Variants in USP3 observed in about 807,000 individuals in gnomAD.
USP3 encodes the protein ubiquitin specific peptidase 3.
USP3 carries 20 observed loss-of-function variants against 72.3 expected under a neutral mutation model. That is an observed-to-expected ratio of 0.28 (90% CI 0.19 to 0.40). The LOEUF is 0.40. Among genes scored for constraint, USP3 ranks in the 10% least tolerant of loss-of-function variants. The pLI is 1.00. For synonymous variants in USP3, 222 were observed against 225.3 expected (o/e 0.99, Z 0.13); for missense variants, 479 against 633.9 (o/e 0.76, Z 2.62).
In USP3 at chr15:63,528,001, C is replaced by T. The variant is rs1485103084; in HGVS notation, c.92-4646C>T. 1 of 152,226 alleles carries T rather than the reference C, an allele frequency of 6.6e-6. No individual in the cohort carries two copies. Among genetic ancestry groups the T allele is most frequent in the Non-Finnish European group, 1.5e-5 (1 of 68,084 alleles). The allele number at this position is 152,226 out of a possible 1,614,324, so 9.4% of individuals were successfully genotyped here. A position where few individuals can be genotyped will look rare whatever the true frequency, so the allele number is the denominator to read the frequency against. On this transcript the variant is annotated intron_variant, in intron 1 of 14. Transcript: ENST00000380324. The surrounding 1 kb of genome is among the most constrained non-coding windows in gnomAD (Gnocchi z 4.3). ...TACCTTCTGGAGAATGGCTCTAGCT[C>T]AGGAGAGGATAGAGCTTCTTCATCT...
In USP3 at chr15:63,529,178, G is replaced by T. The variant is rs538039208; in HGVS notation, c.92-3469G>T. ...ACCACACTTGGCAGGTAGTAAAGTG[G>T]TTTTTTTTTTTTTCTTTTTTTTGAG... On this transcript the variant is annotated intron_variant, in intron 1 of 14. Transcript: ENST00000380324. This position sits in a 1 kb window ranked among gnomAD's most constrained non-coding sequence, Gnocchi z 4.2. The T allele has an allele frequency of 1.7e-4, 83 of 492,972 alleles. 1 individual carries two copies. The East Asian group carries it at 3.0e-3, about 18-fold the overall frequency. 30.5% of individuals were successfully genotyped at this position (492,972 alleles called of 1,614,324 possible).
chr15:63,549,566 C>G (rs1334581797), intron 3 of USP3, among the ~76,000 whole-genome samples: 5 of 152,126 alleles, frequency 3.3e-5, no homozygotes, highest in Admixed American at 1.3e-4. Flanking sequence ...TTTGCAGCCA[C>G]TTTACACAGT....
intron 5 of USP3, among the ~76,000 whole-genome samples, chr15:63,557,463 G>A (rs143467919): frequency 0.017 from 2,512 of 152,154 alleles, 37 homozygotes; most frequent in South Asian, 0.036. Context: ...GAGTTTCACC[G>A]TGTTGCTCAG....
chr15:63,564,717 G>A (rs1194660505), intron 8 of USP3, among the ~76,000 whole-genome samples: 1 of 152,222 alleles, frequency 6.6e-6, no homozygotes, highest in Non-Finnish European at 1.5e-5. Flanking sequence ...GAAGATTTCA[G>A]ATCATACATG....
At position 63,528,901 on chromosome 15, in the gene USP3, A is replaced by C. The variant is rs2066024508; in HGVS notation, c.92-3746A>C. Reference sequence around the variant, plus strand: ...ATTTTATATTTGTCCTGGGTACATTAAAGGTTCTTAATTTGGATGAAGCAT... The same window carrying C: ...ATTTTATATTTGTCCTGGGTACATTCAAGGTTCTTAATTTGGATGAAGCAT... On this transcript the variant is annotated intron_variant, in intron 1 of 14. Transcript: ENST00000380324. This position sits in a 1 kb window ranked among gnomAD's most constrained non-coding sequence, Gnocchi z 4.3. 1.4e-6 allele frequency: 1 copy of C among 738,522 alleles called. No homozygotes were observed. The highest frequency in any genetic ancestry group is 1.9e-6 in the Non-Finnish European group (1 of 526,776). 45.7% of individuals were successfully genotyped at this position (738,522 alleles called of 1,614,324 possible). A position where few individuals can be genotyped will look rare whatever the true frequency, so the allele number is the denominator to read the frequency against.
Position 63,553,589 on chromosome 15 carries a change from T to A in USP3, c.285-126T>A. On this transcript the variant is annotated intron_variant, in intron 3 of 14. Transcript: ENST00000380324. This position sits in a 1 kb window ranked among gnomAD's most constrained non-coding sequence, Gnocchi z 4.2. ...TGTGAATTCCAGGTCCTCTTTAAAC[T>A]TACCACCAGCAGTAACTGCCTGCAG... 1 of 729,096 alleles carries A rather than the reference T, an allele frequency of 1.4e-6. No individual in the cohort carries two copies. The highest frequency in any genetic ancestry group is 2.0e-6 in the Non-Finnish European group (1 of 493,484). The allele number at this position is 729,096 out of a possible 1,614,324, so 45.2% of individuals were successfully genotyped here.
chr15:63,578,448 C>CA (rs760254496), intron 11 of USP3, among the ~76,000 whole-genome samples: 1,477 of 131,590 alleles, frequency 0.011, 14 homozygotes, highest in African/African-American at 0.033. Flanking sequence ...ACTAAAAATA[C>CA]AAAAAAAAAA....
rs138812943 is a variant in USP3 at position 63,540,836 on chromosome 15, C to T, written c.284+3680C>T. ...GAAAATGAAAGGTAAATTAAGATTT[C>T]GATGAAAATAAAAATCTTCCCAAGA... On this transcript the variant is annotated intron_variant, in intron 3 of 14. Coordinates refer to ENST00000380324, the MANE Select transcript of USP3 (RefSeq NM_006537.4). 2.4e-3 allele frequency among the ~76,000 whole-genome samples: 368 copies of T among 152,236 alleles called. 4 individuals are homozygous for T. Among genetic ancestry groups the T allele is most frequent in the East Asian group, 0.022 (116 of 5,184 alleles).
chr15:63,560,575 C>T (rs1424256471), intron 7 of USP3, among the ~76,000 whole-genome samples: 2 of 150,376 alleles, frequency 1.3e-5, no homozygotes, highest in African/African-American at 4.9e-5. Context: ...TCTCATTAGT[C>T]CATGTGAGTT....
chr15:63,509,685 T>C (rs146134356), intron 1 of USP3, among the ~76,000 whole-genome samples: 1 of 152,338 alleles, frequency 6.6e-6, no homozygotes, highest in Admixed American at 6.5e-5. Context: ...CAAATGTCTT[T>C]CTAGTCTTTC....
chr15:63,568,816 A>G (rs1408301325), intron 8 of USP3, among the ~76,000 whole-genome samples: 1 of 152,236 alleles, frequency 6.6e-6, no homozygotes, highest in Non-Finnish European at 1.5e-5. Context: ...ACAAGTTGAA[A>G]TAGACTCATA....
intron 11 of USP3, among the ~76,000 whole-genome samples, chr15:63,585,619 A>C (rs1199119850): frequency 1.3e-5 from 2 of 152,098 alleles, no homozygotes; most frequent in Non-Finnish European, 2.9e-5. Context: ...AAAATTTTTA[A>C]TTTTAATGAA....
chr15:63,590,629 TTC>T (rs1263923981), intron 14 of USP3, 30 bp from the exon 15 acceptor site: 2 of 1,509,774 alleles, frequency 1.3e-6, no homozygotes, highest in Non-Finnish European at 1.8e-6. Context: ...ATTTCTGAGG[TTC>T]TTTTTTCCTT....
chr15:63,549,344 G>A (rs973578924), intron 3 of USP3, among the ~76,000 whole-genome samples: 3 of 152,180 alleles, frequency 2.0e-5, no homozygotes, highest in African/African-American at 7.2e-5. Flanking sequence ...ATTTGTATCT[G>A]TATTGAGAAA....
At chr15:63,568,352 T>TAA (rs545943861) in intron 8 of USP3, among the ~76,000 whole-genome samples, 201 of 131,412 alleles carry the variant, frequency 1.5e-3, no homozygotes, top group African/African-American at 2.5e-3. Context: ...AGACTCCATC[T>TAA]AAAAAAAAAA....
At chr15:63,537,821 G>A (rs1326233996) in intron 3 of USP3, among the ~76,000 whole-genome samples, 1 of 152,138 alleles carries the variant, frequency 6.6e-6, no homozygotes. Context: ...AAGTAGCTGG[G>A]ATTACAAGCA....
At position 63,592,448 on chromosome 15, in the gene USP3, A is replaced by ATTTTTTTTTTT; in HGVS notation, c.*1630_*1640dup. Reference sequence around the variant, plus strand: ...GTTAAGCCAACGAGACTTTCTGGCAATTTTTTTTTTTTTTTTTTAATGGAG... The same window carrying ATTTTTTTTTTT: ...GTTAAGCCAACGAGACTTTCTGGCAATTTTTTTTTTTTTTTTTTTTTTTTTTTTTAATGGAG... On this transcript the variant is annotated 3_prime_UTR_variant, in exon 15 of 15. Coordinates refer to ENST00000380324, the MANE Select transcript of USP3 (RefSeq NM_006537.4). 7.7e-6 allele frequency: 1 copy of ATTTTTTTTTTT among 130,332 alleles called. No homozygotes were observed. Among genetic ancestry groups the ATTTTTTTTTTT allele is most frequent in the Non-Finnish European group, 1.6e-5 (1 of 61,482 alleles). 8.1% of individuals were successfully genotyped at this position (130,332 alleles called of 1,614,324 possible). A position where few individuals can be genotyped will look rare whatever the true frequency, so the allele number is the denominator to read the frequency against.
At chr15:63,509,843 A>G (rs1296908980) in intron 1 of USP3, among the ~76,000 whole-genome samples, 4 of 152,270 alleles carry the variant, frequency 2.6e-5, no homozygotes, top group South Asian at 4.1e-4. Flanking sequence ...AAGCTTCAGT[A>G]TAGAGATTGA....
chr15:63,591,049 A>T lies in USP3; in HGVS notation c.*223A>T. 1 of 464,454 alleles carries T rather than the reference A, an allele frequency of 2.2e-6. No individual in the cohort carries two copies. The highest frequency in any genetic ancestry group is 3.6e-6 in the Non-Finnish European group (1 of 275,712). 28.8% of individuals were successfully genotyped at this position (464,454 alleles called of 1,614,324 possible). A position where few individuals can be genotyped will look rare whatever the true frequency, so the allele number is the denominator to read the frequency against. On this transcript the variant is annotated 3_prime_UTR_variant, in exon 15 of 15. Coordinates refer to ENST00000380324, the MANE Select transcript of USP3 (RefSeq NM_006537.4). The stretch of plus-strand genomic sequence containing the variant: ...GTTTTGATTTGCTGCTTTAGTTGTA[A>T]TAATTCAATTTTTATAGGTAGTTGT...
Sources: gnomAD v4.1 joint callset for allele counts (sites outside exome capture counted in the v4.1 genomes callset) on GRCh38, gnomAD v4.1.1 for gene constraint, Gnocchi (gnomAD v3.1) non-coding constraint, MANE v1.5 for transcripts, NCBI Gene and HGNC (gene_info 2026-07-23, HGNC 2026-07-21) for gene names.